KIAA1217: variants seen among roughly 807,000 people sequenced by gnomAD.
KIAA1217 encodes KIAA1217, also known as sickle tail protein homolog.
Under a neutral mutation model 163.9 loss-of-function variants are expected in KIAA1217, and 88 were observed. The observed-to-expected ratio is 0.54, with a 90% CI of 0.45 to 0.64. The LOEUF is 0.64. Ranked by LOEUF, KIAA1217 falls within the 30% of genes least tolerant of loss-of-function variation. KIAA1217 has a pLI of 0.00. For synonymous variants in KIAA1217, 903 were observed against 923.1 expected (o/e 0.98, Z 0.39); for missense variants, 2,372 against 2,475.0 (o/e 0.96, Z 0.88).
At chr10:24,420,662 A>C (rs1394383869) in intron 3 of KIAA1217, among the ~76,000 whole-genome samples, 2 of 152,200 alleles carry the variant, frequency 1.3e-5, no homozygotes, top group Non-Finnish European at 2.9e-5. Flanking sequence ...TGAGCTTCTC[A>C]CATGTATGTC....
chr10:23,980,737 CA>C (rs1293431659), intron 1 of KIAA1217, among the ~76,000 whole-genome samples: 2 of 152,198 alleles, frequency 1.3e-5, no homozygotes, highest in Non-Finnish European at 2.9e-5. Context: ...ACAGGCGAAT[CA>C]GCTCATCCTT....
chr10:24,324,672 C>A (rs1008167090), intron 2 of KIAA1217, among the ~76,000 whole-genome samples: 2 of 152,130 alleles, frequency 1.3e-5, no homozygotes, highest in Admixed American at 1.3e-4. Flanking sequence ...TTGGATTTTT[C>A]CCCCTAGACT....
chr10:23,765,425 G>A (rs1024292514), intron 1 of KIAA1217, among the ~76,000 whole-genome samples: 5 of 151,860 alleles, frequency 3.3e-5, no homozygotes, highest in African/African-American at 9.7e-5. Flanking sequence ...CACCCGCCTC[G>A]GCCTCCCAAA....
At chr10:24,207,284 A>T (rs11013963), upstream of KIAA1217, among the ~76,000 whole-genome samples, 443 of 46,244 alleles carry the variant, frequency 9.6e-3, 2 homozygotes, top group South Asian at 0.062. Flanking sequence ...TCTCTCTCTC[A>T]CACACACACA....
chr10:24,232,984 G>A (rs1436043939), intron 2 of KIAA1217, among the ~76,000 whole-genome samples: 3 of 146,068 alleles, frequency 2.1e-5, no homozygotes, highest in African/African-American at 5.1e-5. Flanking sequence ...AATTAGCCAG[G>A]CATAGTGGTG....
Position 24,429,248 on chromosome 10 carries a change from G to A in KIAA1217, c.554-3747G>A, listed in dbSNP as rs114301495. Reference sequence around the variant, plus strand: ...TATGTGACTTTTTACCTGTTCTGGGGGCTTTTAGGATTTTCTGTTTTCCCC... The same window carrying A: ...TATGTGACTTTTTACCTGTTCTGGGAGCTTTTAGGATTTTCTGTTTTCCCC... On this transcript the variant is annotated intron_variant, in intron 3 of 20. Transcript: ENST00000376454. Among the ~76,000 whole-genome samples, 1,043 of 152,204 alleles carry A rather than the reference G, an allele frequency of 6.9e-3. 11 individuals carry two copies. Among genetic ancestry groups the A allele is most frequent in the African/African-American group, 0.024 (979 of 41,520 alleles).
At position 23,831,642 on chromosome 10, in the gene KIAA1217, CA is replaced by C. The variant is rs1451278418; in HGVS notation, c.-321+136409del. Among the ~76,000 whole-genome samples the C allele has an allele frequency of 3.3e-5, 5 of 152,180 alleles. No homozygotes were observed. In the East Asian group the frequency reaches 7.7e-4, roughly 23 times the overall value. ...TATTAATGATAAAATTTGAGTAGTA[CA>C]GAGATGATAATACATAAAATAAATA... On this transcript the variant is annotated intron_variant, in intron 1 of 18. Transcript: ENST00000376462.
At chr10:24,087,825 G>T (rs2061753242) in intron 2 of KIAA1217, among the ~76,000 whole-genome samples, 1 of 152,218 alleles carries the variant, frequency 6.6e-6, no homozygotes, top group East Asian at 1.9e-4. Flanking sequence ...TCTAATCAAA[G>T]AGTTAGGGAA....
At chr10:24,418,652 C>T (rs150525830) in intron 3 of KIAA1217, among the ~76,000 whole-genome samples, 5 of 152,116 alleles carry the variant, frequency 3.3e-5, no homozygotes, top group Admixed American at 6.5e-5. Flanking sequence ...TCACTAAAGT[C>T]CATAATCTCT....
At chr10:24,448,146 T>A (rs556348286) in intron 5 of KIAA1217, among the ~76,000 whole-genome samples, 1 of 151,990 alleles carries the variant, frequency 6.6e-6, no homozygotes, top group African/African-American at 2.4e-5. Context: ...AAGAAGTTAA[T>A]AACCCTGAAG....
At chr10:24,350,093 C>T (rs1023561667) in intron 2 of KIAA1217, among the ~76,000 whole-genome samples, 5 of 152,154 alleles carry the variant, frequency 3.3e-5, no homozygotes, top group Admixed American at 6.5e-5. Flanking sequence ...TTTGTTTTGC[C>T]CCCGTCCCCC....
intron 2 of KIAA1217, among the ~76,000 whole-genome samples, chr10:24,016,853 A>T (rs939476967): frequency 1.3e-5 from 2 of 151,742 alleles, no homozygotes; most frequent in Admixed American, 6.6e-5. Flanking sequence ...GCAAGCATTT[A>T]AAAAAAACGT....
intron 5 of KIAA1217, among the ~76,000 whole-genome samples, chr10:24,457,996 G>A (rs2061980719): frequency 6.6e-6 from 1 of 152,220 alleles, no homozygotes; most frequent in Admixed American, 6.5e-5. Flanking sequence ...CAGGGAAGCA[G>A]ATTGTGTCTC....
chr10:24,306,251 A>G (rs535676782), intron 2 of KIAA1217, among the ~76,000 whole-genome samples: 3 of 152,314 alleles, frequency 2.0e-5, no homozygotes, highest in African/African-American at 4.8e-5. Context: ...ATCAGTCATC[A>G]TAGAAGATGA....
At chr10:23,746,666 GC>G (rs774679723) in intron 1 of KIAA1217, among the ~76,000 whole-genome samples, 57 of 151,928 alleles carry the variant, frequency 3.8e-4, no homozygotes, top group Non-Finnish European at 7.4e-4. Context: ...CTTGTGATCC[GC>G]CCACCTCAGC....
At chr10:24,285,500 T>C (rs751890924) in intron 2 of KIAA1217, among the ~76,000 whole-genome samples, 1 of 152,194 alleles carries the variant, frequency 6.6e-6, no homozygotes, top group Non-Finnish European at 1.5e-5. Flanking sequence ...CTTATTGACT[T>C]TGTTGAAGAT....
intron 2 of KIAA1217, among the ~76,000 whole-genome samples, chr10:24,031,829 GACTCACTTTCTCCTTACTCA>G (rs1848198802): frequency 2.0e-5 from 3 of 152,056 alleles, no homozygotes; most frequent in Admixed American, 1.3e-4. Flanking sequence ...ATCTTTAATG[GACTCACTTTCTCCTTACTCA>G]AGCTCCATCA....
chr10:24,509,702 A>G (rs1353098499), intron 9 of KIAA1217, among the ~76,000 whole-genome samples: 1 of 152,216 alleles, frequency 6.6e-6, no homozygotes, highest in Non-Finnish European at 1.5e-5. Flanking sequence ...AGCCTTACCA[A>G]TAATATAAAC....
intron 2 of KIAA1217, among the ~76,000 whole-genome samples, chr10:24,084,142 A>G (rs1215096163): frequency 6.6e-6 from 1 of 152,098 alleles, no homozygotes. Context: ...TCTCCTGGCC[A>G]CCCAATTATA....
Sources: allele counts gnomAD v4.1 joint callset (sites outside exome capture counted in the v4.1 genomes callset), GRCh38; gene constraint gnomAD v4.1.1; transcripts MANE v1.5; gene names NCBI Gene and HGNC (gene_info 2026-07-23, HGNC 2026-07-21).